The following MXD4 variants were observed in gnomAD, a reference collection of about 807,000 sequenced individuals.
MXD4 encodes the protein MAX dimerization protein 4.
Under a neutral mutation model 24.5 loss-of-function variants are expected in MXD4, and 16 were observed. The observed-to-expected ratio is 0.65, with a 90% confidence interval of 0.44 to 0.99. MXD4 has a LOEUF of 0.99. MXD4 is among the 50% of genes least tolerant of loss of function. The pLI, the probability that MXD4 is intolerant of heterozygous loss-of-function variation, is 0.00. For missense variants in MXD4, 301 were observed against 301.5 expected, an observed-to-expected ratio of 1.00 and a Z score of 0.01; for synonymous variants, 164 against 134.2, an observed-to-expected ratio of 1.22 and a Z score of -1.54.
chr4:2,250,957 C>T, intron 5 of MXD4, 127 bp downstream of exon 5: 1 of 1,262,932 alleles, frequency 7.9e-7, no homozygotes, highest in Non-Finnish European at 1.1e-6. Context: ...AACACACACC[C>T]CAGTGCAGCA....
intron 2 of MXD4, chr4:2,260,537 G>A (rs1314681085): frequency 2.2e-6 from 1 of 455,788 alleles, no homozygotes; most frequent in East Asian, 7.0e-5. Flanking sequence ...TTGGAGAGAA[G>A]CGGCAGCGGG....
intron 4 of MXD4, 49 bp from the exon 5 acceptor site, chr4:2,251,295 C>G (rs750708666): frequency 4.0e-6 from 6 of 1,506,130 alleles, no homozygotes; most frequent in Non-Finnish European, 4.5e-6. Context: ...GGAGTCCCCC[C>G]ATCCCCCTGG....
In MXD4 at chr4:2,261,983, TCCCGCCCGCG is replaced by T; in HGVS notation, c.-13_-4del. ...ATCAGCAGGGAGTTCAGCTCCATCC[TCCCGCCCGCG>T]CCCGTCCGCCCCGGGACGGCGGCGG... On this transcript the variant is annotated 5_prime_UTR_variant, in exon 1 of 6. Transcript: ENST00000337190. 7.5e-7 allele frequency: 1 copy of T among 1,340,142 alleles called. No individual in the cohort carries two copies. Among genetic ancestry groups the T allele is most frequent in the East Asian group, 3.3e-5 (1 of 30,336 alleles). 83.0% of individuals were successfully genotyped at this position (1,340,142 alleles called of 1,614,324 possible).
At position 2,252,396 on chromosome 4, in the gene MXD4, A is replaced by G. The variant is rs1577818517; in HGVS notation, c.309+12T>C. 1 of 1,605,694 alleles carries G rather than the reference A, an allele frequency of 6.2e-7. No homozygotes were observed. Among genetic ancestry groups the G allele is most frequent in the African/African-American group, 1.3e-5 (1 of 74,866 alleles). ...GCCAGACAGGGCAGGGTGGAGAGCA[A>G]GGCCCACTCACCTTGATGTGCACCT... On this transcript the variant is annotated intron_variant, in intron 4 of 5. Transcript: ENST00000337190.
chr4:2,261,153 G>C (rs1280405669), intron 2 of MXD4, among the ~76,000 whole-genome samples: 1 of 152,248 alleles, frequency 6.6e-6, no homozygotes, highest in Non-Finnish European at 1.5e-5. Flanking sequence ...CAGGAGGCTG[G>C]GCAGAAGCGG....
intron 2 of MXD4, among the ~76,000 whole-genome samples, chr4:2,260,229 C>G (rs539656876): frequency 6.6e-6 from 1 of 152,340 alleles, no homozygotes; most frequent in East Asian, 1.9e-4. Context: ...TGGTCTCTGT[C>G]CCAGCAGAAT....
At chr4:2,260,139 G>T (rs988893486) in intron 2 of MXD4, among the ~76,000 whole-genome samples, 4 of 152,218 alleles carry the variant, frequency 2.6e-5, no homozygotes, top group African/African-American at 4.8e-5. Flanking sequence ...AGGCCCCGGG[G>T]GAGCGGGGCT....
At chr4:2,260,076 G>A (rs1397153716) in intron 2 of MXD4, among the ~76,000 whole-genome samples, 1 of 152,224 alleles carries the variant, frequency 6.6e-6, no homozygotes, top group Non-Finnish European at 1.5e-5. Flanking sequence ...AAACCTCCAG[G>A]GCAGTGCTGC....
intron 4 of MXD4, 95 bp from the exon 5 acceptor site, chr4:2,251,341 G>A (rs1250824786): frequency 3.6e-6 from 5 of 1,387,164 alleles, no homozygotes; most frequent in Non-Finnish European, 3.8e-6. Context: ...GGCCCGGGAG[G>A]TTCCCCATCC....
intron 3 of MXD4, chr4:2,253,715 T>C (rs958468559): frequency 2.0e-5 from 3 of 152,196 alleles, no homozygotes; most frequent in African/African-American, 4.8e-5. Context: ...AGCCATTTCC[T>C]CTGGACAGAG....
intron 2 of MXD4, among the ~76,000 whole-genome samples, chr4:2,261,519 C>A (rs1256896105): frequency 6.7e-6 from 1 of 149,890 alleles, no homozygotes; most frequent in Admixed American, 6.6e-5. Flanking sequence ...GAGGCGCGGC[C>A]GCGGGAAGAT....
At position 2,251,146 on chromosome 4, in the gene MXD4, C is replaced by A; in HGVS notation, c.410G>T (p.Ser137Ile). ...KRRLEQLSVQ[S>I]VERVRTDSTG... ...GCTATCTGTGCGCACGCGCTCCACG[C>A]TCTGCACCGACAGCTGCTCCAGGCG... The change falls in exon 5 of 6, where the codon AGC (serine) becomes ATC (isoleucine). Residue 137 changes from serine to isoleucine, a missense_variant. Physicochemically the swap from Ser to Ile is moderately radical, Grantham distance 142 (BLOSUM62 -2). Transcript: ENST00000337190. The A allele has an allele frequency of 1.2e-6, 2 of 1,600,944 alleles. No individual in the cohort carries two copies. The highest frequency in any genetic ancestry group is 1.1e-5 in the South Asian group (1 of 89,196).
intron 3 of MXD4, among the ~76,000 whole-genome samples, chr4:2,256,075 T>TG (rs942652732): frequency 4.6e-5 from 7 of 152,092 alleles, no homozygotes; most frequent in Non-Finnish European, 8.8e-5. Flanking sequence ...TGGGGGAATG[T>TG]GGGGCAGAGA....
chr4:2,255,735 T>G (rs1735412214), intron 3 of MXD4, among the ~76,000 whole-genome samples: 1 of 152,190 alleles, frequency 6.6e-6, no homozygotes, highest in Non-Finnish European at 1.5e-5. Context: ...AGAACCCGCC[T>G]GCAGGACTAG....
At chr4:2,255,370 A>G (rs1239096881) in intron 3 of MXD4, 1 of 456,194 alleles carries the variant, frequency 2.2e-6, no homozygotes, top group Admixed American at 2.3e-5. Flanking sequence ...AGAGACAAAC[A>G]GAAGCCATCT....
rs984459224 is a variant in MXD4 at position 2,248,118 on chromosome 4, T to A, written c.*2426A>T. ...CTCCAGTGATGGCAGCCTGGGCCCC[T>A]GACAGGGAGCAGTGGGAGGTTGGAG... On this transcript the variant is annotated 3_prime_UTR_variant, in exon 6 of 6. Coordinates refer to ENST00000337190, the MANE Select transcript of MXD4 (RefSeq NM_006454.3). 6.6e-6 allele frequency: 1 copy of A among 152,644 alleles called. No individual in the cohort carries two copies. The highest frequency in any genetic ancestry group is 1.5e-5 in the Non-Finnish European group (1 of 68,410). 9.5% of individuals were successfully genotyped at this position (152,644 alleles called of 1,614,324 possible). A position where few individuals can be genotyped will look rare whatever the true frequency, so the allele number is the denominator to read the frequency against.
intron 2 of MXD4, among the ~76,000 whole-genome samples, chr4:2,259,874 G>A (rs537461313): frequency 6.6e-6 from 1 of 152,164 alleles, no homozygotes; most frequent in Non-Finnish European, 1.5e-5. Flanking sequence ...GCTGGCCCCA[G>A]TGCTCTGCCG....
intron 3 of MXD4, chr4:2,254,837 C>T (rs1735394059): frequency 1.2e-5 from 2 of 167,142 alleles, no homozygotes; most frequent in South Asian, 2.7e-4. Flanking sequence ...ATGGCTCCTG[C>T]GCCAGCCACT....
chr4:2,258,643 T>C (rs1307439779), intron 2 of MXD4, among the ~76,000 whole-genome samples: 1 of 152,162 alleles, frequency 6.6e-6, no homozygotes, highest in African/African-American at 2.4e-5. Context: ...CACCACTCTC[T>C]CGGGCTCACA....
Sources: gnomAD v4.1 joint callset for allele counts (sites outside exome capture counted in the v4.1 genomes callset) on GRCh38, gnomAD v4.1.1 for gene constraint, MANE v1.5 for transcripts, NCBI Gene and HGNC (gene_info 2026-07-23, HGNC 2026-07-21) for gene names.